Variants in ZC3H6 observed in about 807,000 individuals in gnomAD.
ZC3H6 encodes the protein zinc finger CCCH domain-containing protein 6.
Under a neutral mutation model 107.7 loss-of-function variants are expected in ZC3H6, and 40 were observed. That is an observed-to-expected ratio of 0.37 (90% CI 0.29 to 0.48). The LOEUF is 0.48. Among genes scored for constraint, ZC3H6 ranks in the 20% least tolerant of loss-of-function variants. ZC3H6 has a pLI of 0.98. For synonymous variants in ZC3H6, 493 were observed against 487.9 expected, an observed-to-expected ratio of 1.01 and a Z score of -0.14; for missense variants, 1,267 against 1,410.4, an observed-to-expected ratio of 0.90 and a Z score of 1.63.
chr2:112,288,615 A>G (rs1686654673), intron 1 of ZC3H6, among the ~76,000 whole-genome samples: 1 of 152,212 alleles, frequency 6.6e-6, no homozygotes, highest in Non-Finnish European at 1.5e-5. Flanking sequence ...CTGGTTCTAG[A>G]GCTTTGTGTT....
In ZC3H6 at chr2:112,316,616, T is replaced by A; in HGVS notation, c.864+30T>A. 4.4e-6 allele frequency: 6 copies of A among 1,362,032 alleles called. No homozygotes were observed. In the South Asian group the frequency reaches 6.8e-5, roughly 15 times the overall value. 84.4% of individuals were successfully genotyped at this position (1,362,032 alleles called of 1,614,324 possible). ...ATTTATAGAGGTATCATAAGTCATT[T>A]TAACTTCCAAAATAATCTTTAAAAT... On this transcript the variant is annotated intron_variant, in intron 6 of 11. Transcript: ENST00000409871.
At chr2:112,305,005 G>A (rs1676449672) in intron 3 of ZC3H6, among the ~76,000 whole-genome samples, 1 of 152,098 alleles carries the variant, frequency 6.6e-6, no homozygotes, top group Non-Finnish European at 1.5e-5. Flanking sequence ...ATTTTATCTA[G>A]TTGGGTAAAT....
intron 3 of ZC3H6, among the ~76,000 whole-genome samples, chr2:112,306,170 A>T (rs922276373): frequency 3.4e-5 from 4 of 115,964 alleles, no homozygotes; most frequent in African/African-American, 1.2e-4. Flanking sequence ...TGAAGTCTGT[A>T]TTTCTTTTTT....
At chr2:112,276,162 C>T (rs1244045753) in intron 1 of ZC3H6, 136 bp downstream of exon 1, 1 of 631,590 alleles carries the variant, frequency 1.6e-6, no homozygotes, top group Non-Finnish European at 2.4e-6. Flanking sequence ...GACGCGCACT[C>T]TTATGTAAAC....
chr2:112,288,002 AATC>A (rs1201643953), intron 1 of ZC3H6, among the ~76,000 whole-genome samples: 3 of 152,232 alleles, frequency 2.0e-5, no homozygotes, highest in Non-Finnish European at 4.4e-5. Flanking sequence ...GGTTACTTTG[AATC>A]ATCATTAACA....
chr2:112,311,429 A>C (rs930589785), intron 4 of ZC3H6, among the ~76,000 whole-genome samples: 2 of 152,202 alleles, frequency 1.3e-5, no homozygotes, highest in African/African-American at 2.4e-5. Context: ...ACCAGTGGAA[A>C]TTTGATTTGC....
Position 112,331,206 on chromosome 2 carries a change from T to C in ZC3H6, c.2288T>C (p.Ile763Thr). The change falls in exon 12 of 12, where the codon ATC becomes ACC. Residue 763 changes from isoleucine (I) to threonine (T), a missense_variant. Physicochemically the swap from Ile to Thr is moderately conservative, Grantham distance 89 (BLOSUM62 -1). Coordinates refer to ENST00000409871, the MANE Select transcript of ZC3H6 (RefSeq NM_198581.3). ...NQVVDPRLRTIPRQDIRKPSE... is the reference protein window; with the variant it reads ...NQVVDPRLRTTPRQDIRKPSE... ...GTGGTTGACCCTAGGCTTAGGACTA[T>C]CCCAAGGCAAGACATTAGAAAGCCT... The C allele has an allele frequency of 1.2e-6, 2 of 1,613,410 alleles. No individual in the cohort carries two copies. The highest frequency in any genetic ancestry group is 1.7e-6 in the Non-Finnish European group (2 of 1,179,744).
intron 3 of ZC3H6, among the ~76,000 whole-genome samples, chr2:112,309,163 TA>T (rs1047441904): frequency 6.6e-6 from 1 of 152,096 alleles, no homozygotes; most frequent in East Asian, 1.9e-4. Context: ...CTCGCTTTAC[TA>T]AAAAAAATTG....
At position 112,337,684 on chromosome 2, in the gene ZC3H6, C is replaced by T. The variant is rs903542182; in HGVS notation, c.*5196C>T. 2.0e-5 allele frequency: 3 copies of T among 151,650 alleles called. No homozygotes were observed. The highest frequency in any genetic ancestry group is 7.3e-5 in the African/African-American group (3 of 41,198). The allele number at this position is 151,650 out of a possible 1,614,324, so 9.4% of individuals were successfully genotyped here. A position where few individuals can be genotyped will look rare whatever the true frequency, so the allele number is the denominator to read the frequency against. On this transcript the variant is annotated 3_prime_UTR_variant, in exon 12 of 12. Transcript: ENST00000409871. Reference sequence around the variant, plus strand: ...TCGCTCAGGCTGAAGTGCAGTGGCGCTATCAGCTCACAGCAGCCTCCGCCT... The same window carrying T: ...TCGCTCAGGCTGAAGTGCAGTGGCGTTATCAGCTCACAGCAGCCTCCGCCT...
intron 8 of ZC3H6, among the ~76,000 whole-genome samples, chr2:112,322,325 C>T (rs1390576578): frequency 1.3e-5 from 2 of 151,776 alleles, no homozygotes; most frequent in African/African-American, 4.8e-5. Flanking sequence ...CCTTGCCAAC[C>T]CCCTGCCCTG....
In ZC3H6 at chr2:112,303,644, G is replaced by T. The variant is rs546022659; in HGVS notation, c.336+293G>T. 1.7e-4 allele frequency among the ~76,000 whole-genome samples: 26 copies of T among 152,148 alleles called. No homozygotes were observed. The South Asian group carries it at 5.2e-3, about 30-fold the overall frequency. ...ATGTAAGTGGAATCATACAGTATTT[G>T]TTCTTTTGTATCTGGCTTATTTCAC... is the stretch of plus-strand genomic sequence containing the variant. On this transcript the variant is annotated intron_variant, in intron 3 of 11. Coordinates refer to ENST00000409871, the MANE Select transcript of ZC3H6 (RefSeq NM_198581.3).
In ZC3H6 at chr2:112,332,243, G is replaced by A; in HGVS notation, c.3325G>A (p.Gly1109Arg). 1 of 1,613,912 alleles carries A rather than the reference G, an allele frequency of 6.2e-7. No individual in the cohort carries two copies. The highest frequency in any genetic ancestry group is 8.5e-7 in the Non-Finnish European group (1 of 1,179,862). Residue 1109 changes from glycine (G) to arginine (R), a missense_variant, in exon 12 of 12, where the codon GGG becomes AGG. Gly to Arg is a moderately radical substitution (Grantham distance 125, BLOSUM62 -2). This residue lies in a region of ZC3H6 where 925 missense variants were observed against 1,025.7 expected (regional missense o/e 0.90). Coordinates refer to ENST00000409871, the MANE Select transcript of ZC3H6 (RefSeq NM_198581.3). ...TCCAAACGTGGGAGTCACTCTTGAG[G>A]GGCCAGCTGACCCACAGGCGGACGT... ...PSPNVGVTLE[G>R]PADPQADVPR...
chr2:112,320,933 ATATTTT>A (rs1394013690), intron 7 of ZC3H6, among the ~76,000 whole-genome samples: 1 of 152,132 alleles, frequency 6.6e-6, no homozygotes, highest in Non-Finnish European at 1.5e-5. Flanking sequence ...TTAAGAAAGT[ATATTTT>A]TATTTTACTA....
At chr2:112,299,765 G>A (rs1478470247) in intron 1 of ZC3H6, 84 bp from the exon 2 acceptor site, 2 of 1,075,010 alleles carry the variant, frequency 1.9e-6, no homozygotes, top group Non-Finnish European at 1.2e-6. Context: ...ATAAATCCTT[G>A]GCATATGCTT....
chr2:112,308,404 TTTTATTTATTTA>T (rs370414380), intron 3 of ZC3H6, among the ~76,000 whole-genome samples: 2,228 of 138,294 alleles, frequency 0.016, 63 homozygotes, highest in African/African-American at 0.057. Flanking sequence ...TTTTATTTTA[TTTTATTTATTTA>T]TTTATTTATT....
chr2:112,309,773 C>A, intron 3 of ZC3H6, 112 bp from the exon 4 acceptor site: 1 of 1,047,586 alleles, frequency 9.5e-7, no homozygotes, highest in Non-Finnish European at 1.4e-6. Context: ...GAACTAATAA[C>A]TGTCTTTTCT....
At chr2:112,321,543 T>C (rs1039345758) in intron 7 of ZC3H6, among the ~76,000 whole-genome samples, 1 of 151,856 alleles carries the variant, frequency 6.6e-6, no homozygotes, top group African/African-American at 2.4e-5. Flanking sequence ...ACAGTTGTGG[T>C]TTTGTGTGTG....
intron 11 of ZC3H6, among the ~76,000 whole-genome samples, chr2:112,330,726 G>A (rs1677011187): frequency 1.3e-5 from 2 of 152,044 alleles, no homozygotes; most frequent in African/African-American, 4.8e-5. Context: ...ACATATTCTA[G>A]TATCACCCCA....
chr2:112,301,760 TTAA>T (rs1447164003), intron 2 of ZC3H6, among the ~76,000 whole-genome samples: 1 of 151,862 alleles, frequency 6.6e-6, no homozygotes, highest in Non-Finnish European at 1.5e-5. Context: ...AAGGAAGTAC[TTAA>T]TAAAATTATA....
Sources: gnomAD v4.1 joint callset for allele counts (sites outside exome capture counted in the v4.1 genomes callset) on GRCh38, gnomAD v4.1.1 for gene constraint, gnomAD v4.1.1 regional missense constraint, MANE v1.5 for transcripts, NCBI Gene and HGNC (gene_info 2026-07-23, HGNC 2026-07-21) for gene names.